The following LRP1B variants were observed in gnomAD, a reference collection of about 807,000 sequenced individuals.
LRP1B encodes LDL receptor related protein 1B.
Under a neutral mutation model 556.6 loss-of-function variants are expected in LRP1B, and 217 were observed. The observed-to-expected ratio is 0.39, with a 90% CI of 0.35 to 0.44. The LOEUF (loss-of-function observed/expected upper bound fraction) is 0.44, where lower values mean the gene tolerates loss of function less well. Ranked by LOEUF, LRP1B falls within the 20% of genes least tolerant of loss-of-function variation. LRP1B has a pLI of 1.00. For synonymous variants in LRP1B, 2,047 were observed against 1,865.8 expected, an observed-to-expected ratio of 1.10 and a Z score of -2.50; for missense variants, 5,053 against 5,620.8, an observed-to-expected ratio of 0.90 and a Z score of 3.23.
chr2:141,385,449 A>G (rs1559042308), intron 3 of LRP1B, among the ~76,000 whole-genome samples: 1 of 152,178 alleles, frequency 6.6e-6, no homozygotes, highest in Non-Finnish European at 1.5e-5. Context: ...AACTTGCAAT[A>G]GTGGCAATGA....
intron 6 of LRP1B, among the ~76,000 whole-genome samples, chr2:141,189,575 A>G (rs2105196494): frequency 6.6e-6 from 1 of 152,094 alleles, no homozygotes; most frequent in Admixed American, 6.6e-5. Flanking sequence ...CTGGGTTGCA[A>G]TCCTCAAGCT....
intron 7 of LRP1B, among the ~76,000 whole-genome samples, chr2:141,180,213 A>G (rs757464720): frequency 2.6e-5 from 4 of 151,770 alleles, no homozygotes; most frequent in Non-Finnish European, 5.9e-5. Flanking sequence ...TATTTCTTAC[A>G]TAACTCCAAG....
At chr2:140,715,856 G>T in intron 37 of LRP1B, 117 bp downstream of exon 37, 4 of 765,206 alleles carry the variant, frequency 5.2e-6, no homozygotes, top group Non-Finnish European at 6.0e-6. Flanking sequence ...TTTCTGCTTA[G>T]GTAAGATATT....
At chr2:141,367,355 G>T (rs904249141) in intron 3 of LRP1B, among the ~76,000 whole-genome samples, 18 of 149,788 alleles carry the variant, frequency 1.2e-4, no homozygotes, top group African/African-American at 2.5e-5. Flanking sequence ...ATTAGACACA[G>T]AAAGTTCCCA....
intron 1 of LRP1B, among the ~76,000 whole-genome samples, chr2:142,099,278 A>G (rs1027573660): frequency 6.6e-6 from 1 of 151,926 alleles, no homozygotes; most frequent in Admixed American, 6.6e-5. Flanking sequence ...CCACTGTCCC[A>G]GTGGGCTTTA....
intron 66 of LRP1B, among the ~76,000 whole-genome samples, chr2:140,396,706 A>G (rs2105220014): frequency 6.6e-6 from 1 of 152,332 alleles, no homozygotes; most frequent in South Asian, 2.1e-4. Context: ...TGAAAAATTA[A>G]AAGATGTGAA....
At chr2:141,385,878 T>C (rs1689817088) in intron 3 of LRP1B, among the ~76,000 whole-genome samples, 1 of 152,188 alleles carries the variant, frequency 6.6e-6, no homozygotes, top group African/African-American at 2.4e-5. Flanking sequence ...AGGATGCTGC[T>C]TAGTTTCTCT....
At chr2:140,302,759 A>G (rs891935040) in intron 83 of LRP1B, among the ~76,000 whole-genome samples, 1 of 151,942 alleles carries the variant, frequency 6.6e-6, no homozygotes. Flanking sequence ...CTGGCTGAGG[A>G]CATCAGAGCT....
chr2:141,808,730 T>C (rs1696241678), intron 2 of LRP1B, among the ~76,000 whole-genome samples: 1 of 152,084 alleles, frequency 6.6e-6, no homozygotes, highest in African/African-American at 2.4e-5. Context: ...ATAACAGTCA[T>C]TCCTCATTCC....
At chr2:140,831,840 A>AT (rs1282101429) in intron 31 of LRP1B, among the ~76,000 whole-genome samples, 1 of 152,196 alleles carries the variant, frequency 6.6e-6, no homozygotes, top group Non-Finnish European at 1.5e-5. Flanking sequence ...TAATAATGTG[A>AT]TTTTAAAATG....
At chr2:141,482,508 G>A (rs1325916777) in intron 2 of LRP1B, among the ~76,000 whole-genome samples, 1 of 151,804 alleles carries the variant, frequency 6.6e-6, no homozygotes, top group Admixed American at 6.6e-5. Context: ...ATATATATAT[G>A]TGTGTGTGCA....
At chr2:140,987,989 G>A (rs1486872716) in intron 17 of LRP1B, among the ~76,000 whole-genome samples, 1 of 151,958 alleles carries the variant, frequency 6.6e-6, no homozygotes, top group African/African-American at 2.4e-5. Flanking sequence ...CGAAAAAAAA[G>A]AAGAAGAATT....
chr2:141,921,805 A>G (rs996564694), intron 1 of LRP1B, among the ~76,000 whole-genome samples: 1 of 152,122 alleles, frequency 6.6e-6, no homozygotes, highest in Non-Finnish European at 1.5e-5. Context: ...AAATCTTGGC[A>G]TCATAAAGAA....
chr2:140,478,903 T>G (rs1688097686), intron 59 of LRP1B, among the ~76,000 whole-genome samples: 1 of 152,174 alleles, frequency 6.6e-6, no homozygotes, highest in South Asian at 2.1e-4. Flanking sequence ...ATAGGAAATA[T>G]GCATATTAAT....
At chr2:140,757,195 A>G (rs964448144) in intron 35 of LRP1B, among the ~76,000 whole-genome samples, 3 of 152,172 alleles carry the variant, frequency 2.0e-5, no homozygotes, top group African/African-American at 7.2e-5. Context: ...CTCACACTCT[A>G]CTGATGTGAA....
intron 66 of LRP1B, 59 bp from the exon 67 acceptor site, chr2:140,386,068 C>T (rs1683747718): frequency 6.0e-6 from 6 of 1,005,104 alleles, no homozygotes; most frequent in African/African-American, 3.2e-5. Flanking sequence ...TCCCTCACAA[C>T]GTCCTCACTG....
intron 3 of LRP1B, among the ~76,000 whole-genome samples, chr2:141,388,174 A>G (rs4362501): frequency 0.7 from 106,384 of 152,046 alleles, 37,853 homozygotes; most frequent in African/African-American, 0.75. Context: ...AGTGGCTCAC[A>G]CCTGTAATCT....
At chr2:142,043,944 C>T (rs889030347) in intron 1 of LRP1B, among the ~76,000 whole-genome samples, 2 of 151,708 alleles carry the variant, frequency 1.3e-5, no homozygotes, top group African/African-American at 4.8e-5. Flanking sequence ...ATAGCCTGGA[C>T]AATTTGTGAA....
In LRP1B at chr2:140,886,123, T is replaced by C. The variant is rs369126376; in HGVS notation, c.3964+15A>G. ...AAAGTAATCTAAACATTAAGAAAAA[T>C]TATAATATATGTACCTCCACTTTCA... On this transcript the variant is annotated intron_variant, in intron 24 of 90. Coordinates refer to ENST00000389484, the MANE Select transcript of LRP1B (RefSeq NM_018557.3). 11 of 1,477,168 alleles carry C rather than the reference T, an allele frequency of 7.4e-6. No homozygotes were observed. In the African/African-American group the frequency reaches 1.4e-4, roughly 19 times the overall value. 91.5% of individuals were successfully genotyped at this position (1,477,168 alleles called of 1,614,324 possible). A position where few individuals can be genotyped will look rare whatever the true frequency, so the allele number is the denominator to read the frequency against.
Sources: allele counts gnomAD v4.1 joint callset (sites outside exome capture counted in the v4.1 genomes callset), GRCh38; gene constraint gnomAD v4.1.1; transcripts MANE v1.5; gene names NCBI Gene and HGNC (gene_info 2026-07-23, HGNC 2026-07-21).